The following WDR70 variants were observed in gnomAD, a reference collection of about 807,000 sequenced individuals.
WDR70 encodes the protein WD repeat-containing protein 70.
WDR70 carries 53 observed loss-of-function variants against 88.6 expected under a neutral mutation model. The ratio of observed to expected loss-of-function variants is 0.60; its 90% CI spans 0.48 to 0.75. WDR70 has a LOEUF of 0.75. WDR70 is among the 30% of genes least tolerant of loss of function. WDR70 has a pLI of 0.00. For synonymous variants in WDR70, 280 were observed against 270.0 expected (o/e 1.04, Z -0.36); for missense variants, 610 against 823.2 (o/e 0.74, Z 3.17).
intron 8 of WDR70, among the ~76,000 whole-genome samples, chr5:37,486,368 G>A (rs1235605755): frequency 6.7e-6 from 1 of 148,836 alleles, no homozygotes; most frequent in Admixed American, 6.7e-5. Flanking sequence ...TTGAGACAGA[G>A]TCTCGCTCTG....
At chr5:37,706,733 ACACACG>A (rs1319944503) in intron 13 of WDR70, among the ~76,000 whole-genome samples, 2 of 122,410 alleles carry the variant, frequency 1.6e-5, no homozygotes, top group African/African-American at 5.0e-5. Flanking sequence ...ACACACACAC[ACACACG>A]CACACAGACT....
intron 17 of WDR70, among the ~76,000 whole-genome samples, chr5:37,737,106 C>A (rs989822014): frequency 1.3e-5 from 2 of 152,046 alleles, no homozygotes; most frequent in Non-Finnish European, 2.9e-5. Flanking sequence ...GTGAGGAACA[C>A]CTGATATCCA....
intron 7 of WDR70, among the ~76,000 whole-genome samples, chr5:37,457,771 G>A (rs1738890124): frequency 6.6e-6 from 1 of 152,098 alleles, no homozygotes; most frequent in South Asian, 2.1e-4. Flanking sequence ...GTGACCAGTG[G>A]CTGAACTCTA....
intron 6 of WDR70, among the ~76,000 whole-genome samples, chr5:37,441,767 G>C (rs1294408272): frequency 6.6e-6 from 1 of 151,958 alleles, no homozygotes; most frequent in Non-Finnish European, 1.5e-5. Context: ...GCAGTGAGCC[G>C]AGATTACACC....
chr5:37,401,189 T>C lies in WDR70; in HGVS notation c.492+4619T>C, dbSNP rs1259418019. ...ATTTTTTTTTTTTTTTTTTTTTTTTTTAGTAGAGATGAGGTCTTACTACAT... is the reference window on the plus strand; with the variant it reads ...ATTTTTTTTTTTTTTTTTTTTTTTTCTAGTAGAGATGAGGTCTTACTACAT... On this transcript the variant is annotated intron_variant, in intron 5 of 17. Coordinates refer to ENST00000265107, the MANE Select transcript of WDR70 (RefSeq NM_018034.4). Among the ~76,000 whole-genome samples, 4 of 141,592 alleles carry C rather than the reference T, an allele frequency of 2.8e-5. No homozygotes were observed. In the East Asian group the frequency reaches 5.9e-4, roughly 21 times the overall value. The allele number at this position is 141,592 out of a possible 152,430, so 92.9% of individuals were successfully genotyped here. A position where few individuals can be genotyped will look rare whatever the true frequency, so the allele number is the denominator to read the frequency against.
intron 10 of WDR70, among the ~76,000 whole-genome samples, chr5:37,656,498 C>T (rs970882101): frequency 6.6e-6 from 1 of 152,242 alleles, no homozygotes; most frequent in African/African-American, 2.4e-5. Flanking sequence ...CTGCTCTCTT[C>T]AGAGCTGGCA....
chr5:37,498,338 C>T (rs1343778874), intron 8 of WDR70, among the ~76,000 whole-genome samples: 1 of 152,144 alleles, frequency 6.6e-6, no homozygotes, highest in Non-Finnish European at 1.5e-5. Flanking sequence ...TTCTTCTTAC[C>T]TCACTGTATG....
At chr5:37,598,126 T>TA (rs1385099560) in intron 9 of WDR70, among the ~76,000 whole-genome samples, 1 of 152,210 alleles carries the variant, frequency 6.6e-6, no homozygotes, top group East Asian at 1.9e-4. Flanking sequence ...ACTTAGCTCT[T>TA]ATGTCTGTTT....
At chr5:37,432,019 G>A (rs972701588) in intron 5 of WDR70, among the ~76,000 whole-genome samples, 9 of 152,188 alleles carry the variant, frequency 5.9e-5, no homozygotes, top group African/African-American at 2.2e-4. Context: ...GAACGTGGAT[G>A]TACAAATAGC....
chr5:37,401,737 C>T (rs779948653), intron 5 of WDR70, among the ~76,000 whole-genome samples: 2 of 152,104 alleles, frequency 1.3e-5, no homozygotes, highest in South Asian at 2.1e-4. Context: ...GTATTACAGA[C>T]GTGAGTCATT....
chr5:37,434,117 G>A (rs1373957915), intron 5 of WDR70, among the ~76,000 whole-genome samples: 2 of 152,166 alleles, frequency 1.3e-5, no homozygotes, highest in African/African-American at 4.8e-5. Flanking sequence ...CACGGCAGAA[G>A]GCAAAGGAGA....
chr5:37,525,575 A>C (rs897579530), intron 9 of WDR70, among the ~76,000 whole-genome samples: 3 of 152,236 alleles, frequency 2.0e-5, no homozygotes, highest in African/African-American at 7.2e-5. Context: ...AAAGAGCTAG[A>C]GAAGCAAGAG....
intron 9 of WDR70, among the ~76,000 whole-genome samples, chr5:37,559,497 A>G (rs1359476511): frequency 6.6e-6 from 1 of 152,082 alleles, no homozygotes; most frequent in African/African-American, 2.4e-5. Context: ...TTTTATAGAA[A>G]TATTGATTTA....
intron 9 of WDR70, among the ~76,000 whole-genome samples, chr5:37,541,961 G>T (rs892001571): frequency 6.6e-6 from 1 of 152,204 alleles, no homozygotes; most frequent in African/African-American, 2.4e-5. Flanking sequence ...TAGAGGAAGG[G>T]TTGCTAACAT....
At chr5:37,581,168 A>T (rs1743206668) in intron 9 of WDR70, among the ~76,000 whole-genome samples, 1 of 152,104 alleles carries the variant, frequency 6.6e-6, no homozygotes, top group Admixed American at 6.5e-5. Flanking sequence ...GGACCTTCAT[A>T]TAGGGAACAC....
intron 5 of WDR70, among the ~76,000 whole-genome samples, chr5:37,401,176 T>TTC (rs1749180200): frequency 7.1e-6 from 1 of 140,490 alleles, no homozygotes; most frequent in South Asian, 2.3e-4. Flanking sequence ...TTTTTTTTTT[T>TTC]TTTTTTTTTT....
intron 10 of WDR70, among the ~76,000 whole-genome samples, chr5:37,676,556 A>C (rs1241999285): frequency 6.6e-6 from 1 of 151,968 alleles, no homozygotes; most frequent in Non-Finnish European, 1.5e-5. Flanking sequence ...GCGTATATTG[A>C]ACCAGCCTTG....
chr5:37,738,552 A>G (rs943994462), intron 17 of WDR70, among the ~76,000 whole-genome samples: 1 of 15,134 alleles, frequency 6.6e-5, no homozygotes, highest in Non-Finnish European at 5.3e-4. Context: ...CAGAAGAGAA[A>G]GGACAGTCCT....
At chr5:37,428,609 T>C (rs1436500996) in intron 5 of WDR70, among the ~76,000 whole-genome samples, 2 of 152,240 alleles carry the variant, frequency 1.3e-5, no homozygotes, top group Admixed American at 1.3e-4. Flanking sequence ...AGTGCTTTGT[T>C]CATTTTTATT....
Sources: gnomAD v4.1 joint callset for allele counts (sites outside exome capture counted in the v4.1 genomes callset) on GRCh38, gnomAD v4.1.1 for gene constraint, MANE v1.5 for transcripts, NCBI Gene and HGNC (gene_info 2026-07-23, HGNC 2026-07-21) for gene names.